ARHGAP15: variants seen among roughly 807,000 people sequenced by gnomAD.
ARHGAP15 encodes Rho GTPase activating protein 15, also known as rho GTPase-activating protein 15.
Under a neutral mutation model 63.7 loss-of-function variants are expected in ARHGAP15, and 51 were observed. The ratio of observed to expected loss-of-function variants is 0.80; its 90% confidence interval spans 0.64 to 1.01. The LOEUF (loss-of-function observed/expected upper bound fraction) is 1.01, where lower values mean the gene tolerates loss of function less well. ARHGAP15 is among the 50% of genes least tolerant of loss of function. The probability of loss-of-function intolerance (pLI) is 0.00; values close to 1 mark genes in which losing one functional copy is unlikely to be tolerated. For synonymous variants in ARHGAP15, 191 were observed against 193.8 expected, an observed-to-expected ratio of 0.99 and a Z score of 0.12; for missense variants, 560 against 564.6, an observed-to-expected ratio of 0.99 and a Z score of 0.08.
intron 9 of ARHGAP15, among the ~76,000 whole-genome samples, chr2:143,496,560 T>C (rs1040255057): frequency 6.6e-6 from 1 of 152,238 alleles, no homozygotes; most frequent in African/African-American, 2.4e-5. Context: ...CTTGATTTTT[T>C]TAACCTACAA....
At chr2:143,529,817 C>T (rs987120245) in intron 10 of ARHGAP15, among the ~76,000 whole-genome samples, 1 of 152,084 alleles carries the variant, frequency 6.6e-6, no homozygotes, top group African/African-American at 2.4e-5. Flanking sequence ...ATCATTAGCC[C>T]CTTCCTCCAC....
intron 6 of ARHGAP15, among the ~76,000 whole-genome samples, chr2:143,346,128 G>A (rs1456024856): frequency 6.6e-6 from 1 of 151,136 alleles, no homozygotes; most frequent in South Asian, 2.1e-4. Context: ...TGACTGCCAC[G>A]ATACAGTCAT....
intron 9 of ARHGAP15, among the ~76,000 whole-genome samples, chr2:143,505,153 C>T (rs951396637): frequency 6.6e-6 from 1 of 152,196 alleles, no homozygotes; most frequent in Non-Finnish European, 1.5e-5. Context: ...ATTCTCCTGA[C>T]TGTGTTTTAC....
At chr2:143,476,334 G>A (rs1196443362) in intron 8 of ARHGAP15, among the ~76,000 whole-genome samples, 1 of 152,174 alleles carries the variant, frequency 6.6e-6, no homozygotes, top group African/African-American at 2.4e-5. Context: ...TTGTGAGAAT[G>A]CTCTTTGTTA....
chr2:143,477,159 C>T (rs1691853732), intron 8 of ARHGAP15, among the ~76,000 whole-genome samples: 1 of 151,028 alleles, frequency 6.6e-6, no homozygotes, highest in Admixed American at 6.6e-5. Context: ...TTAATGAGAG[C>T]CAAATCATTT....
At chr2:143,152,262 T>C (rs547965406) in intron 1 of ARHGAP15, among the ~76,000 whole-genome samples, 3 of 152,164 alleles carry the variant, frequency 2.0e-5, no homozygotes, top group African/African-American at 7.2e-5. Context: ...TGGTACTTTA[T>C]GTCCCTTCAT....
At chr2:143,317,827 A>C (rs1244983865) in intron 6 of ARHGAP15, among the ~76,000 whole-genome samples, 1 of 152,210 alleles carries the variant, frequency 6.6e-6, no homozygotes, top group Non-Finnish European at 1.5e-5. Flanking sequence ...TCCGAAGCGG[A>C]AAGAATAGCC....
intron 11 of ARHGAP15, among the ~76,000 whole-genome samples, chr2:143,612,412 A>C (rs553776521): frequency 1.3e-5 from 2 of 152,316 alleles, no homozygotes; most frequent in South Asian, 2.1e-4. Flanking sequence ...GGTCTTGATA[A>C]TTCACCTTAA....
intron 6 of ARHGAP15, among the ~76,000 whole-genome samples, chr2:143,310,382 C>A (rs1454549245): frequency 6.6e-6 from 1 of 151,974 alleles, no homozygotes; most frequent in African/African-American, 2.4e-5. Context: ...GATTAGAAAT[C>A]ATTTCCTACA....
intron 6 of ARHGAP15, among the ~76,000 whole-genome samples, chr2:143,397,147 A>G (rs975479719): frequency 2.0e-5 from 3 of 152,270 alleles, no homozygotes; most frequent in East Asian, 1.9e-4. Flanking sequence ...ATCCAGATTC[A>G]TGGCAAGAGA....
intron 4 of ARHGAP15, among the ~76,000 whole-genome samples, chr2:143,227,419 A>G (rs1280095057): frequency 6.6e-6 from 1 of 152,174 alleles, no homozygotes; most frequent in Non-Finnish European, 1.5e-5. Context: ...TGTAAAGATG[A>G]ACTGATTTCT....
intron 8 of ARHGAP15, among the ~76,000 whole-genome samples, chr2:143,453,453 G>A (rs1395450054): frequency 6.6e-6 from 1 of 151,990 alleles, no homozygotes; most frequent in Non-Finnish European, 1.5e-5. Flanking sequence ...AACGTTTATA[G>A]CATTGTTTGG....
At chr2:143,468,789 G>A (rs906384603) in intron 8 of ARHGAP15, among the ~76,000 whole-genome samples, 6 of 152,014 alleles carry the variant, frequency 3.9e-5, no homozygotes, top group African/African-American at 1.5e-4. Flanking sequence ...AGTAAAATCA[G>A]TAGTCTATTC....
intron 13 of ARHGAP15, among the ~76,000 whole-genome samples, chr2:143,758,174 C>T (rs1021429447): frequency 6.6e-6 from 1 of 151,648 alleles, no homozygotes; most frequent in Non-Finnish European, 1.5e-5. Context: ...TGGAAACATG[C>T]CCGTGATATA....
chr2:143,723,104 A>C (rs1335786996), intron 13 of ARHGAP15, among the ~76,000 whole-genome samples: 4 of 152,230 alleles, frequency 2.6e-5, no homozygotes, highest in African/African-American at 9.6e-5. Flanking sequence ...AACTGCCTGC[A>C]GTATTTAGTA....
chr2:143,197,562 T>A (rs1691930614), intron 2 of ARHGAP15, among the ~76,000 whole-genome samples: 1 of 152,026 alleles, frequency 6.6e-6, no homozygotes, highest in South Asian at 2.1e-4. Flanking sequence ...TTTTTGCTGA[T>A]ATCCATGCAA....
In ARHGAP15 at chr2:143,520,558, A is replaced by T. The variant is rs1200027184; in HGVS notation, c.925+1194A>T. ...AGTAGAAAGCAGCAACTGCAGGATG[A>T]ACATGAGGAGAGGTATCTGTGAGAA... is the stretch of plus-strand genomic sequence containing the variant. On this transcript the variant is annotated intron_variant, in intron 10 of 13. Transcript: ENST00000295095. 2.0e-5 allele frequency among the ~76,000 whole-genome samples: 3 copies of T among 152,300 alleles called. No individual in the cohort carries two copies. The East Asian group carries it at 5.8e-4, about 29-fold the overall frequency.
chr2:143,591,153 G>A (rs1394869240), intron 11 of ARHGAP15, among the ~76,000 whole-genome samples: 2 of 152,236 alleles, frequency 1.3e-5, no homozygotes, highest in African/African-American at 4.8e-5. Flanking sequence ...ATTTCCAAAA[G>A]TATACATTTG....
chr2:143,520,776 TATAA>T (rs1378721316), intron 10 of ARHGAP15, among the ~76,000 whole-genome samples: 2 of 152,150 alleles, frequency 1.3e-5, no homozygotes, highest in Non-Finnish European at 1.5e-5. Flanking sequence ...TTCATCCACT[TATAA>T]ATACTCAGCC....
Sources: allele counts gnomAD v4.1 joint callset (sites outside exome capture counted in the v4.1 genomes callset), GRCh38; gene constraint gnomAD v4.1.1; transcripts MANE v1.5; gene names NCBI Gene and HGNC (gene_info 2026-07-23, HGNC 2026-07-21).